Variants in BCL2 observed in about 807,000 individuals in gnomAD.
BCL2 encodes BCL2 apoptosis regulator.
A neutral mutation model predicts 14.2 loss-of-function variants in BCL2; 1 was observed. That is an observed-to-expected ratio of 0.07 (90% confidence interval 0.02 to 0.33). The LOEUF (loss-of-function observed/expected upper bound fraction) is 0.33, where lower values mean the gene tolerates loss of function less well. Among genes scored for constraint, BCL2 ranks in the 10% least tolerant of loss-of-function variants. The pLI, the probability that BCL2 is intolerant of heterozygous loss-of-function variation, is 0.99. For synonymous variants in BCL2, 151 were observed against 137.2 expected, an observed-to-expected ratio of 1.10 and a Z score of -0.70; for missense variants, 247 against 305.9, an observed-to-expected ratio of 0.81 and a Z score of 1.44.
At chr18:63,268,268 G>A (rs1568252659) in intron 2 of BCL2, among the ~76,000 whole-genome samples, 1 of 152,170 alleles carries the variant, frequency 6.6e-6, no homozygotes, top group African/African-American at 2.4e-5. Context: ...TTTCTCTTGT[G>A]CTCACTGTCT....
At chr18:63,257,572 T>A (rs1911517069) in intron 2 of BCL2, among the ~76,000 whole-genome samples, 1 of 152,230 alleles carries the variant, frequency 6.6e-6, no homozygotes, top group Non-Finnish European at 1.5e-5. Flanking sequence ...TAGACAAATA[T>A]CCATTCTTCG....
intron 2 of BCL2, among the ~76,000 whole-genome samples, chr18:63,266,486 G>C (rs1347967755): frequency 2.0e-5 from 3 of 151,400 alleles, no homozygotes; most frequent in African/African-American, 7.3e-5. Flanking sequence ...TATACACTTT[G>C]TATTTTTTGA....
chr18:63,150,814 A>T (rs1914634119), intron 2 of BCL2, among the ~76,000 whole-genome samples: 2 of 152,148 alleles, frequency 1.3e-5, no homozygotes, highest in Non-Finnish European at 2.9e-5. Flanking sequence ...ACTATAACAT[A>T]AGATTTGATG....
intron 2 of BCL2, among the ~76,000 whole-genome samples, chr18:63,197,573 T>C (rs1042025067): frequency 1.1e-4 from 17 of 151,858 alleles, no homozygotes; most frequent in Admixed American, 3.3e-4. Context: ...CTCCTACAGT[T>C]GACTCCCCCA....
chr18:63,256,549 C>T (rs527591140), intron 2 of BCL2, among the ~76,000 whole-genome samples: 11 of 152,248 alleles, frequency 7.2e-5, no homozygotes, highest in Middle Eastern at 3.4e-3. Flanking sequence ...ACAGTGAAAG[C>T]GTGACTTACT....
intron 2 of BCL2, among the ~76,000 whole-genome samples, chr18:63,154,452 A>T (rs1174316125): frequency 6.6e-6 from 1 of 151,990 alleles, no homozygotes; most frequent in Non-Finnish European, 1.5e-5. Context: ...GGCTCCTGTT[A>T]TCCACAGGGC....
intron 2 of BCL2, among the ~76,000 whole-genome samples, chr18:63,308,025 C>T (rs775084348): frequency 4.6e-5 from 7 of 152,334 alleles, no homozygotes; most frequent in South Asian, 4.1e-4. Flanking sequence ...TTCATGCTAA[C>T]GGATGAGGGT....
At chr18:63,243,270 C>A (rs1307670686) in intron 2 of BCL2, among the ~76,000 whole-genome samples, 3 of 152,216 alleles carry the variant, frequency 2.0e-5, no homozygotes, top group East Asian at 3.9e-4. Context: ...GAACAGAAAA[C>A]CAAATACTGC....
intron 2 of BCL2, among the ~76,000 whole-genome samples, chr18:63,132,962 C>T (rs1032167294): frequency 1.3e-5 from 2 of 152,192 alleles, no homozygotes; most frequent in Non-Finnish European, 2.9e-5. Context: ...CCCGACTTCA[C>T]GGATCACAGG....
At chr18:63,260,375 T>C (rs1911619226) in intron 2 of BCL2, among the ~76,000 whole-genome samples, 1 of 152,210 alleles carries the variant, frequency 6.6e-6, no homozygotes, top group Non-Finnish European at 1.5e-5. Flanking sequence ...CTGGATTTAT[T>C]ATGTAAATTG....
At chr18:63,147,512 G>A (rs549412393) in intron 2 of BCL2, among the ~76,000 whole-genome samples, 29 of 152,224 alleles carry the variant, frequency 1.9e-4, no homozygotes, top group Admixed American at 5.9e-4. Flanking sequence ...GTGACCTGCC[G>A]TAATATAGAA....
intron 2 of BCL2, chr18:63,161,873 T>C (rs1914929922): frequency 6.6e-6 from 1 of 152,246 alleles, no homozygotes; most frequent in South Asian, 2.1e-4. Flanking sequence ...CCACTCTGGC[T>C]TTCAGAAACA....
chr18:63,208,540 A>T (rs1208940990), intron 2 of BCL2, among the ~76,000 whole-genome samples: 1 of 152,198 alleles, frequency 6.6e-6, no homozygotes, highest in Non-Finnish European at 1.5e-5. Flanking sequence ...AGCGTGGATA[A>T]AGGCAAAGCT....
At chr18:63,163,468 A>G (rs1914972279) in intron 2 of BCL2, among the ~76,000 whole-genome samples, 1 of 152,238 alleles carries the variant, frequency 6.6e-6, no homozygotes, top group Non-Finnish European at 1.5e-5. Context: ...ATAACAGCAG[A>G]TGAAGCAACC....
At chr18:63,155,556 G>A (rs994821692) in intron 2 of BCL2, among the ~76,000 whole-genome samples, 84 of 152,274 alleles carry the variant, frequency 5.5e-4, no homozygotes, top group African/African-American at 1.9e-3. Flanking sequence ...TAAAGAGACT[G>A]CCGTTGTTGC....
At chr18:63,243,792 A>C (rs1200022852) in intron 2 of BCL2, among the ~76,000 whole-genome samples, 1 of 152,234 alleles carries the variant, frequency 6.6e-6, no homozygotes, top group Non-Finnish European at 1.5e-5. Flanking sequence ...TAATATGACA[A>C]ATTTTCAATT....
chr18:63,243,468 A>T (rs1911070557), intron 2 of BCL2, among the ~76,000 whole-genome samples: 1 of 152,244 alleles, frequency 6.6e-6, no homozygotes, highest in Non-Finnish European at 1.5e-5. Flanking sequence ...CCCATGACAC[A>T]AGTTTATCTG....
chr18:63,228,002 C>T (rs1910594049), intron 2 of BCL2, among the ~76,000 whole-genome samples: 1 of 152,204 alleles, frequency 6.6e-6, no homozygotes, highest in Non-Finnish European at 1.5e-5. Flanking sequence ...TGGCTGATTT[C>T]ATTTCTGGTG....
intron 2 of BCL2, among the ~76,000 whole-genome samples, chr18:63,188,595 A>T (rs1317684960): frequency 6.6e-6 from 1 of 152,232 alleles, no homozygotes; most frequent in Admixed American, 6.5e-5. Flanking sequence ...AAAATATTTA[A>T]CAAATGTAAG....
Sources: gnomAD v4.1 joint callset for allele counts (sites outside exome capture counted in the v4.1 genomes callset) on GRCh38, gnomAD v4.1.1 for gene constraint, MANE v1.5 for transcripts, NCBI Gene and HGNC (gene_info 2026-07-23, HGNC 2026-07-21) for gene names.